TASOR2: variants seen among roughly 807,000 people sequenced by gnomAD.
TASOR2 encodes protein TASOR 2.
Under a neutral mutation model 199.5 loss-of-function variants are expected in TASOR2, and 84 were observed. The observed-to-expected ratio is 0.42, with a 90% CI of 0.35 to 0.50. The LOEUF is 0.50. Ranked by LOEUF, TASOR2 falls within the 20% of genes least tolerant of loss-of-function variation. The probability of loss-of-function intolerance (pLI) is 0.02; values close to 1 mark genes in which losing one functional copy is unlikely to be tolerated. For missense variants in TASOR2, 2,796 were observed against 2,835.9 expected, an observed-to-expected ratio of 0.99 and a Z score of 0.32; for synonymous variants, 1,103 against 1,046.6, an observed-to-expected ratio of 1.05 and a Z score of -1.04.
chr10:5,704,641 T>A (rs1001532343), intron 1 of TASOR2, among the ~76,000 whole-genome samples: 2 of 152,194 alleles, frequency 1.3e-5, no homozygotes, highest in African/African-American at 4.8e-5. Context: ...TCTTATTTGC[T>A]TTGGGTTTAC....
intron 6 of TASOR2, 101 bp downstream of exon 7, chr10:5,721,071 G>A: frequency 2.4e-6 from 2 of 837,976 alleles, no homozygotes; most frequent in Non-Finnish European, 3.8e-6. Context: ...GTAAAATACA[G>A]CAACTGTTCT....
intron 1 of TASOR2, among the ~76,000 whole-genome samples, chr10:5,691,530 A>G (rs1836427737): frequency 6.6e-6 from 1 of 152,334 alleles, no homozygotes; most frequent in South Asian, 2.1e-4. Flanking sequence ...ACCTTAGTGA[A>G]TTTTTTATTT....
chr10:5,746,226 T>C, exon 15 of TASOR2: 1 of 1,611,410 alleles, frequency 6.2e-7, no homozygotes, highest in Non-Finnish European at 8.5e-7. Context: ...CTTCTAATCT[T>C]GTGCTTTCGG....
intron 8 of TASOR2, among the ~76,000 whole-genome samples, chr10:5,726,417 A>G (rs960730026): frequency 2.6e-5 from 4 of 152,240 alleles, no homozygotes; most frequent in Non-Finnish European, 5.9e-5. Context: ...CTTAAGATGC[A>G]TAGAAAGAAG....
chr10:5,749,123 C>T (rs1837627023), exon 15 of TASOR2: 14 of 1,613,872 alleles, frequency 8.7e-6, no homozygotes, highest in Admixed American at 3.3e-5. Flanking sequence ...TGGACTGCTG[C>T]GGTAAAGAAA....
chr10:5,748,978 G>C lies in TASOR2; in HGVS notation c.5557G>C (p.Gly1853Arg). 6.2e-7 allele frequency: 1 copy of C among 1,614,150 alleles called. No individual in the cohort carries two copies. Among genetic ancestry groups the C allele is most frequent in the South Asian group, 1.1e-5 (1 of 91,082 alleles). ...TTTGGAGGATTCTTATACTTTAAGA[G>C]GTAGTTACACCAGGAAAAAAGATGT... Residue 1853 changes from glycine (G) to arginine (R), a missense_variant, in exon 15 of 21, where the codon GGT (glycine) becomes CGT (arginine). Around this residue, in one of 3 missense-constraint regions of TASOR2, gnomAD observed 1,941 missense variants for 1,924.9 expected, o/e 1.01. Coordinates refer to ENST00000328090, the Ensembl canonical transcript of TASOR2. The surrounding 1 kb of genome is among the most constrained non-coding windows in gnomAD (Gnocchi z 5.1).
In TASOR2 at chr10:5,731,299, T is replaced by C; in HGVS notation, c.1204+96T>C. On this transcript the variant is annotated intron_variant, in intron 11 of 20. Coordinates refer to ENST00000328090, the Ensembl canonical transcript of TASOR2. The stretch of plus-strand genomic sequence containing the variant: ...AATCCCAGCACTTTGGGAAACCAAG[T>C]GGGTGGATCACCTAAGGTCAGGAGT... 2.6e-6 allele frequency: 3 copies of C among 1,162,146 alleles called. 1 individual carries two copies. The Admixed American group carries it at 6.4e-5, about 25-fold the overall frequency. 72.0% of individuals were successfully genotyped at this position (1,162,146 alleles called of 1,614,324 possible). A position where few individuals can be genotyped will look rare whatever the true frequency, so the allele number is the denominator to read the frequency against.
exon 15 of TASOR2, chr10:5,747,322 G>C (rs374970397): frequency 1.9e-6 from 3 of 1,613,990 alleles, no homozygotes. Flanking sequence ...AATGCCAGCT[G>C]GTGAAATAGA....
intron 2 of TASOR2, 97 bp downstream of exon 3, chr10:5,714,304 C>A: frequency 3.0e-6 from 2 of 670,658 alleles, no homozygotes; most frequent in Non-Finnish European, 4.2e-6. Context: ...TATTAAAAGC[C>A]AGTTTCATTA....
intron 1 of TASOR2, among the ~76,000 whole-genome samples, chr10:5,709,298 G>T (rs1831618080): frequency 6.6e-6 from 1 of 152,044 alleles, no homozygotes; most frequent in Non-Finnish European, 1.5e-5. Flanking sequence ...ATATTTCTGT[G>T]TACAAAATTT....
chr10:5,742,194 C>A lies in TASOR2; in HGVS notation c.2425C>A (p.Arg809=). Residue 809 remains arginine, a synonymous_variant, in exon 14 of 21, where the codon CGA becomes AGA. Transcript: ENST00000328090. This position sits in a 1 kb window ranked among gnomAD's most constrained non-coding sequence, Gnocchi z 4.2. ...TTACAGCAATCAGAACAAAATCATA[C>A]GATCTTCCCGAAAGGTTGTAGAACA... The A allele has an allele frequency of 6.2e-7, 1 of 1,614,084 alleles. No individual in the cohort carries two copies. The highest frequency in any genetic ancestry group is 1.1e-5 in the South Asian group (1 of 91,080).
intron 1 of TASOR2, among the ~76,000 whole-genome samples, chr10:5,696,379 C>T (rs1349415169): frequency 6.6e-6 from 1 of 152,182 alleles, no homozygotes; most frequent in Non-Finnish European, 1.5e-5. Context: ...TTTTTTGAGA[C>T]AGGGCCTCAC....
At chr10:5,716,302 G>C (rs1832619614) in intron 2 of TASOR2, among the ~76,000 whole-genome samples, 1 of 151,788 alleles carries the variant, frequency 6.6e-6, no homozygotes, top group Admixed American at 6.6e-5. Context: ...TTCTACTTTT[G>C]GGCTATTATG....
chr10:5,761,746 T>G, intron 19 of TASOR2: 2 of 257,534 alleles, frequency 7.8e-6, no homozygotes, highest in Non-Finnish European at 1.5e-5. Context: ...TTTAAATCAA[T>G]ACTGGGGCTG....
exon 15 of TASOR2, chr10:5,746,845 CAGA>C: frequency 1.4e-5 from 22 of 1,614,184 alleles, no homozygotes; most frequent in Non-Finnish European, 1.9e-5. Context: ...GTGTTCATTA[CAGA>C]AGGAGACGCC....
At chr10:5,741,596 A>G (rs10905101) in intron 13 of TASOR2, among the ~76,000 whole-genome samples, 1 of 152,312 alleles carries the variant, frequency 6.6e-6, no homozygotes, top group East Asian at 1.9e-4. Context: ...ATTTTGCAGA[A>G]CTGTAGTCTG....
chr10:5,721,047 A>G, intron 6 of TASOR2, 77 bp downstream of exon 7: 1 of 1,149,146 alleles, frequency 8.7e-7, no homozygotes, highest in South Asian at 1.4e-5. Flanking sequence ...CCTCATTTCA[A>G]GGGTGGCATT....
chr10:5,731,247 G>A (rs1834773228), intron 11 of TASOR2, 44 bp downstream of exon 12: 80 of 1,554,070 alleles, frequency 5.1e-5, no homozygotes, highest in Non-Finnish European at 6.9e-5. Context: ...TAATAGTTGT[G>A]GCCAGGCGTT....
At chr10:5,713,040 G>T (rs1832120731) in intron 2 of TASOR2, 122 bp downstream of exon 2, 2 of 453,792 alleles carry the variant, frequency 4.4e-6, no homozygotes, top group Non-Finnish European at 7.2e-6. Context: ...TAGTTTGGTG[G>T]CATGTAAATG....
Sources: allele counts gnomAD v4.1 joint callset (sites outside exome capture counted in the v4.1 genomes callset), GRCh38; gene constraint gnomAD v4.1.1; regional missense constraint gnomAD v4.1.1; non-coding constraint Gnocchi (gnomAD v3.1); transcripts MANE v1.5; gene names NCBI Gene and HGNC (gene_info 2026-07-23, HGNC 2026-07-21).